Variants in MDM4 observed in about 807,000 individuals in gnomAD.
The protein encoded by MDM4 is protein Mdm4.
Under a neutral mutation model 60.2 loss-of-function variants are expected in MDM4, and 2 were observed. The observed-to-expected ratio is 0.03, with a 90% CI of 0.01 to 0.10. The LOEUF (loss-of-function observed/expected upper bound fraction) is 0.10. MDM4 is among the 10% of genes least tolerant of loss of function. MDM4 has a pLI of 1.00. For synonymous variants in MDM4, 202 were observed against 198.1 expected (o/e 1.02, Z -0.17); for missense variants, 447 against 577.5 (o/e 0.77, Z 2.32).
At chr1:204,528,939 G>A (rs892565542) in intron 3 of MDM4, 53 of 1,583,236 alleles carry the variant, frequency 3.3e-5, no homozygotes, top group Non-Finnish European at 3.9e-5. Context: ...GGCCTCTGTC[G>A]GCATCTGCAG....
intron 7 of MDM4, among the ~76,000 whole-genome samples, chr1:204,538,804 C>T (rs1661694907): frequency 6.7e-6 from 1 of 149,094 alleles, no homozygotes; most frequent in Non-Finnish European, 1.5e-5. Flanking sequence ...CTCCTTGGTT[C>T]AAGTGATTCT....
intron 5 of MDM4, among the ~76,000 whole-genome samples, chr1:204,535,961 T>C (rs1661366280): frequency 6.6e-6 from 1 of 152,188 alleles, no homozygotes; most frequent in African/African-American, 2.4e-5. Flanking sequence ...ATAGGATTGC[T>C]TTATTAAAGA....
At chr1:204,530,886 T>A (rs1660788182) in intron 4 of MDM4, 69 bp downstream of exon 4, 1 of 1,584,412 alleles carries the variant, frequency 6.3e-7, no homozygotes, top group African/African-American at 1.4e-5. Context: ...CTATGGGTTA[T>A]TAATATTTAT....
chr1:204,553,760 T>C lies in MDM4; in HGVS notation c.*4078T>C, dbSNP rs904860999. 1 of 224,266 alleles carries C rather than the reference T, an allele frequency of 4.5e-6. No individual in the cohort carries two copies. The highest frequency in any genetic ancestry group is 2.2e-5 in the African/African-American group (1 of 44,920). 13.9% of individuals were successfully genotyped at this position (224,266 alleles called of 1,614,324 possible). ...GAATATTAACTCACTCTCCTTCCAG[T>C]GTACTTCACAGTAATTGGTATGCTT... On this transcript the variant is annotated 3_prime_UTR_variant, in exon 11 of 11. Coordinates refer to ENST00000367182, the MANE Select transcript of MDM4 (RefSeq NM_002393.5).
intron 5 of MDM4, among the ~76,000 whole-genome samples, chr1:204,533,404 T>C (rs1661061671): frequency 9.0e-6 from 1 of 110,880 alleles, no homozygotes; most frequent in Non-Finnish European, 1.9e-5. Context: ...TTGCCCAGGC[T>C]GGAGTGCAGT....
chr1:204,552,348 A>C lies in MDM4; in HGVS notation c.*2666A>C, dbSNP rs1663281000. ...TGGTTTTTTTTTTTTTTTTTGAGAC[A>C]GTCTCACTCTGTTGCCCAGGCTGGA... On this transcript the variant is annotated 3_prime_UTR_variant, in exon 11 of 11. Transcript: ENST00000367182. 2 of 133,974 alleles carry C rather than the reference A, an allele frequency of 1.5e-5. No homozygotes were observed. The highest frequency in any genetic ancestry group is 2.7e-5 in the African/African-American group (1 of 37,542). 8.3% of individuals were successfully genotyped at this position (133,974 alleles called of 1,614,324 possible).
Position 204,549,185 on chromosome 1 carries a change from T to A in MDM4, c.976T>A (p.Leu326Met). The A allele has an allele frequency of 1.2e-6, 2 of 1,614,014 alleles. No homozygotes were observed. Among genetic ancestry groups the A allele is most frequent in the Non-Finnish European group, 1.7e-6 (2 of 1,179,854 alleles). Residue 326 changes from leucine (L) to methionine (M), a missense_variant, in exon 11 of 11, where the codon TTG (leucine) becomes ATG (methionine). Physicochemically the swap from Leu to Met is conservative, Grantham distance 15. Coordinates refer to ENST00000367182, the MANE Select transcript of MDM4 (RefSeq NM_002393.5). ...GAGGTACTGTTTTCGTTGTTGGGCCTTGAGGAAGGATTGGTATTCAGATTG... is the reference window on the plus strand; with the variant it reads ...GAGGTACTGTTTTCGTTGTTGGGCCATGAGGAAGGATTGGTATTCAGATTG... The part of the protein sequence containing the change: ...SKRYCFRCWA[L>M]RKDWYSDCSK...
intron 5 of MDM4, chr1:204,532,541 C>A: frequency 1.8e-6 from 1 of 556,656 alleles, no homozygotes; most frequent in Non-Finnish European, 3.1e-6. Flanking sequence ...TCCAAACATT[C>A]AATATCATTA....
chr1:204,532,406 T>A (rs1486605052), intron 5 of MDM4, 160 bp downstream of exon 5: 1 of 591,856 alleles, frequency 1.7e-6, no homozygotes, highest in Admixed American at 3.4e-5. Context: ...TGTTATTAAC[T>A]TTTTACTGAA....
intron 10 of MDM4, 53 bp downstream of exon 10, chr1:204,546,930 T>A: frequency 3.5e-6 from 4 of 1,138,158 alleles, no homozygotes; most frequent in Non-Finnish European, 5.3e-6. Flanking sequence ...TCAGATGATG[T>A]AATCCCAGCA....
chr1:204,528,844 G>A (rs548849585), intron 3 of MDM4: 2 of 1,541,954 alleles, frequency 1.3e-6, no homozygotes, highest in Admixed American at 1.7e-5. Flanking sequence ...GATGGGTTGG[G>A]TCATAGCATC....
chr1:204,536,594 A>G (rs1661452430), intron 5 of MDM4, among the ~76,000 whole-genome samples: 1 of 152,214 alleles, frequency 6.6e-6, no homozygotes, highest in South Asian at 2.1e-4. Flanking sequence ...CATAGCCTCA[A>G]ATAATGAATA....
intron 1 of MDM4, among the ~76,000 whole-genome samples, chr1:204,523,941 A>G (rs140500532): frequency 4.1e-4 from 62 of 152,140 alleles, no homozygotes; most frequent in African/African-American, 1.4e-3. Flanking sequence ...CTGATGGGCT[A>G]TTTTAAAGAG....
chr1:204,524,737 A>G (rs2102309356), intron 1 of MDM4, among the ~76,000 whole-genome samples: 1 of 152,386 alleles, frequency 6.6e-6, no homozygotes, highest in Non-Finnish European at 1.5e-5. Flanking sequence ...AGATTGCGCC[A>G]TTGCGCTTCA....
chr1:204,538,039 G>A, intron 6 of MDM4, 170 bp from the exon 7 acceptor site: 2 of 769,504 alleles, frequency 2.6e-6, no homozygotes, highest in Non-Finnish European at 4.9e-6. Context: ...TGCTCACAGT[G>A]GGTTGAGGAG....
chr1:204,537,097 T>C (rs1661504994), intron 5 of MDM4: 1 of 299,272 alleles, frequency 3.3e-6, no homozygotes, highest in Non-Finnish European at 6.3e-6. Context: ...TAGGAAGAGA[T>C]GACAAAAATA....
At chr1:204,528,971 G>T (rs1009565539) in intron 3 of MDM4, 1 of 1,543,354 alleles carries the variant, frequency 6.5e-7, no homozygotes, top group Admixed American at 1.7e-5. Flanking sequence ...CCTGGATGAA[G>T]CAATCAAGCT....
intron 1 of MDM4, among the ~76,000 whole-genome samples, chr1:204,521,303 AGGCT>A (rs1659546456): frequency 6.6e-6 from 1 of 152,196 alleles, no homozygotes; most frequent in Non-Finnish European, 1.5e-5. Context: ...GTGGGATGAT[AGGCT>A]GAGTTGGATA....
intron 7 of MDM4, 90 bp from the exon 8 acceptor site, chr1:204,542,694 A>AT (rs1333046442): frequency 2.1e-5 from 20 of 962,344 alleles, no homozygotes; most frequent in Non-Finnish European, 3.0e-6. Flanking sequence ...CTTTTTACCT[A>AT]TTTTATAAAG....
Sources: allele counts gnomAD v4.1 joint callset (sites outside exome capture counted in the v4.1 genomes callset), GRCh38; gene constraint gnomAD v4.1.1; transcripts MANE v1.5; gene names NCBI Gene and HGNC (gene_info 2026-07-23, HGNC 2026-07-21).